The following SMG9 variants were observed in gnomAD, a reference collection of about 807,000 sequenced individuals.
The protein encoded by SMG9 is SMG9 nonsense mediated mRNA decay factor, also known as nonsense-mediated mRNA decay factor SMG9.
In SMG9, 55 loss-of-function variants were observed where a neutral mutation model predicts 64.0. That is an observed-to-expected ratio of 0.86 (90% CI 0.69 to 1.08). SMG9 has a LOEUF of 1.08. SMG9 is among the 50% of genes least tolerant of loss of function. The pLI is 0.00. For synonymous variants in SMG9, 244 were observed against 254.8 expected (o/e 0.96, Z 0.41); for missense variants, 554 against 681.3 (o/e 0.81, Z 2.08).
chr19:43,738,021 G>A, intron 8 of SMG9, 101 bp downstream of exon 8: 1 of 1,161,206 alleles, frequency 8.6e-7, no homozygotes, highest in East Asian at 2.4e-5. Flanking sequence ...CTCTTCTGAA[G>A]CAGAAACTAA....
chr19:43,736,147 A>G (rs1968659724), intron 9 of SMG9, among the ~76,000 whole-genome samples: 1 of 152,326 alleles, frequency 6.6e-6, no homozygotes, highest in East Asian at 1.9e-4. Context: ...AGGGTTACTA[A>G]TACAAACATT....
intron 5 of SMG9, 77 bp downstream of exon 5, chr19:43,747,365 G>C: frequency 2.1e-6 from 3 of 1,437,932 alleles, no homozygotes; most frequent in Non-Finnish European, 2.9e-6. Flanking sequence ...CTCCAGTCTG[G>C]TGTTGCCTAC....
chr19:43,737,869 C>T, intron 8 of SMG9, 187 bp from the exon 9 acceptor site: 3 of 662,058 alleles, frequency 4.5e-6, no homozygotes, highest in Middle Eastern at 4.1e-4. Flanking sequence ...TGGGAATTAT[C>T]ACCCCCATTT....
chr19:43,735,638 A>AAAC (rs1968640472), intron 9 of SMG9, among the ~76,000 whole-genome samples: 2 of 149,722 alleles, frequency 1.3e-5, no homozygotes, highest in Admixed American at 1.3e-4. Flanking sequence ...AAAAAAAAAA[A>AAAC]ATCTGTGTGG....
At chr19:43,733,167 C>T in intron 12 of SMG9, 157 bp downstream of exon 12, 1 of 1,337,164 alleles carries the variant, frequency 7.5e-7, no homozygotes, top group Non-Finnish European at 1.0e-6. Flanking sequence ...GTCCACACAC[C>T]CCAGGAACAA....
rs1968366528 is a variant in SMG9, at chr19:43,728,339, C to A, written c.*3257G>T. On this transcript the variant is annotated 3_prime_UTR_variant, in exon 14 of 14. Coordinates refer to ENST00000270066, the MANE Select transcript of SMG9 (RefSeq NM_019108.4). ...CCACCTGCCCCCTCTTGCTCCTGCT[C>A]TGGGCATGTGAAGTACCTGCTCCCA... 1 of 153,466 alleles carries A rather than the reference C, an allele frequency of 6.5e-6. No homozygotes were observed. The highest frequency in any genetic ancestry group is 2.0e-4 in the South Asian group (1 of 4,996). 9.5% of individuals were successfully genotyped at this position (153,466 alleles called of 1,614,324 possible).
chr19:43,735,031 C>T (rs977325595), intron 9 of SMG9, among the ~76,000 whole-genome samples: 1 of 152,132 alleles, frequency 6.6e-6, no homozygotes, highest in African/African-American at 2.4e-5. Flanking sequence ...CTGTGCTGTC[C>T]CTATTCATCC....
intron 6 of SMG9, among the ~76,000 whole-genome samples, chr19:43,741,576 T>C (rs1381856746): frequency 6.6e-6 from 1 of 152,156 alleles, no homozygotes; most frequent in Admixed American, 6.5e-5. Context: ...GTGGAAAAAG[T>C]GGAGATAGGC....
Position 43,737,936 on chromosome 19 carries a change from G to A in SMG9, c.909+186C>T, listed in dbSNP as rs1271400779. 4 of 672,662 alleles carry A rather than the reference G, an allele frequency of 5.9e-6. No homozygotes were observed. The Admixed American group carries it at 1.0e-4, about 18-fold the overall frequency. 41.7% of individuals were successfully genotyped at this position (672,662 alleles called of 1,614,324 possible). ...AGGGGGTGGGAAATGACTTGCCTGA[G>A]GGGCAGAGCCAGGAGTTGAGCCAGT... is the stretch of plus-strand genomic sequence containing the variant. On this transcript the variant is annotated intron_variant, in intron 8 of 13. Coordinates refer to ENST00000270066, the MANE Select transcript of SMG9 (RefSeq NM_019108.4).
At chr19:43,745,145 A>G (rs1156324393) in intron 5 of SMG9, among the ~76,000 whole-genome samples, 11 of 152,216 alleles carry the variant, frequency 7.2e-5, no homozygotes, top group Non-Finnish European at 1.5e-4. Flanking sequence ...CAAGAAGCTA[A>G]AAGGAAGTCA....
At position 43,738,471 on chromosome 19, in the gene SMG9, C is replaced by T. The variant is rs116606926; in HGVS notation, c.814-254G>A. On this transcript the variant is annotated intron_variant, in intron 7 of 13. Coordinates refer to ENST00000270066, the MANE Select transcript of SMG9 (RefSeq NM_019108.4). ...CTGCTTTGTGCTAATGAATTTTTAA[C>T]GTTTACTCAAATGAGTCATGTCCCT... Among the ~76,000 whole-genome samples the T allele has an allele frequency of 1.2e-3, 186 of 152,108 alleles. 3 individuals are homozygous for T. The highest frequency in any genetic ancestry group is 3.5e-3 in the African/African-American group (144 of 41,494).
chr19:43,744,942 A>C, intron 5 of SMG9, 58 bp from the exon 6 acceptor site: 1 of 1,348,698 alleles, frequency 7.4e-7, no homozygotes, highest in Non-Finnish European at 1.1e-6. Flanking sequence ...AGCTGGAATG[A>C]GGGGGGGACT....
At chr19:43,747,604 C>T in intron 4 of SMG9, 29 bp downstream of exon 4, 1 of 1,614,068 alleles carries the variant, frequency 6.2e-7, no homozygotes, top group Non-Finnish European at 8.5e-7. Flanking sequence ...CGCCAGTTCC[C>T]AACCTGGTAC....
chr19:43,748,162 C>T (rs1969086580), intron 2 of SMG9, 110 bp from the exon 3 acceptor site: 1 of 1,273,808 alleles, frequency 7.9e-7, no homozygotes, highest in African/African-American at 1.5e-5. Context: ...CTTGATCCTA[C>T]CAACAGCCCT....
Position 43,750,503 on chromosome 19 carries a change from TC to T in SMG9, c.150+88del, listed in dbSNP as rs1211798010. The T allele has an allele frequency of 3.5e-6, 5 of 1,448,286 alleles. No individual in the cohort carries two copies. In the African/African-American group the frequency reaches 4.2e-5, roughly 12 times the overall value. 89.7% of individuals were successfully genotyped at this position (1,448,286 alleles called of 1,614,324 possible). ...GTGGTAGGTTTTGTTTACAAATATA[TC>T]CCCGGCATCTGGATTAGTGCCTGGC... On this transcript the variant is annotated intron_variant, in intron 2 of 13. Coordinates refer to ENST00000270066, the MANE Select transcript of SMG9 (RefSeq NM_019108.4).
intron 9 of SMG9, among the ~76,000 whole-genome samples, chr19:43,735,616 A>AAG (rs1968637573): frequency 7.1e-6 from 1 of 140,842 alleles, no homozygotes; most frequent in African/African-American, 2.7e-5. Flanking sequence ...CTCTGTCTCA[A>AAG]AAAAAAAAAA....
Position 43,728,511 on chromosome 19 carries a change from T to G in SMG9, c.*3085A>C, listed in dbSNP as rs1238892225. The G allele has an allele frequency of 2.0e-5, 3 of 152,316 alleles. No individual in the cohort carries two copies. Among genetic ancestry groups the G allele is most frequent in the Non-Finnish European group, 4.4e-5 (3 of 68,116 alleles). 9.4% of individuals were successfully genotyped at this position (152,316 alleles called of 1,614,324 possible). A position where few individuals can be genotyped will look rare whatever the true frequency, so the allele number is the denominator to read the frequency against. ...AATTACCCAGTCTCAGGTATTTCCTTACAGCAATGCAAGAACCGACTAAAA... is the reference window on the plus strand; with the variant it reads ...AATTACCCAGTCTCAGGTATTTCCTGACAGCAATGCAAGAACCGACTAAAA... On this transcript the variant is annotated 3_prime_UTR_variant, in exon 14 of 14. Transcript: ENST00000270066.
At chr19:43,752,588 C>T (rs1006405308) in intron 1 of SMG9, among the ~76,000 whole-genome samples, 3 of 152,182 alleles carry the variant, frequency 2.0e-5, no homozygotes, top group Non-Finnish European at 4.4e-5. Context: ...TAATTATTCT[C>T]TGGCCTTAAC....
rs748358112 is a variant in SMG9, at chr19:43,732,959, A to G, written c.1383T>C (p.Arg461=). 2 of 1,613,876 alleles carry G rather than the reference A, an allele frequency of 1.2e-6. No individual in the cohort carries two copies. The highest frequency in any genetic ancestry group is 3.3e-5 in the Admixed American group (2 of 59,942). The change falls in exon 13 of 14, where the codon CGT becomes CGC. Residue 461 remains arginine, a synonymous_variant. Transcript: ENST00000270066. Reference sequence around the variant, plus strand: ...CCAAGGACTGGAAACTGGGGTGGCCACGATACCCAGGCAGCAGGGAGAAGA... The same window carrying G: ...CCAAGGACTGGAAACTGGGGTGGCCGCGATACCCAGGCAGCAGGGAGAAGA... ...SPLFSLLPGY[R]GHPSFQSLVS...
Sources: allele counts gnomAD v4.1 joint callset (sites outside exome capture counted in the v4.1 genomes callset), GRCh38; gene constraint gnomAD v4.1.1; transcripts MANE v1.5; gene names NCBI Gene and HGNC (gene_info 2026-07-23, HGNC 2026-07-21).